The following HS3ST4 variants were observed in gnomAD, a reference collection of about 807,000 sequenced individuals.
HS3ST4 encodes heparan sulfate glucosamine 3-O-sulfotransferase 4.
In HS3ST4, 17 loss-of-function variants were observed where a neutral mutation model predicts 29.2. The ratio of observed to expected loss-of-function variants is 0.58; its 90% confidence interval spans 0.40 to 0.87. The LOEUF is 0.87. HS3ST4 is among the 40% of genes least tolerant of loss of function. The pLI is 0.00. For missense variants in HS3ST4, 627 were observed against 634.5 expected (o/e 0.99, Z 0.13); for synonymous variants, 314 against 285.7 (o/e 1.10, Z -1.00).
At chr16:26,127,212 A>G (rs1459928309) in intron 1 of HS3ST4, among the ~76,000 whole-genome samples, 2 of 151,978 alleles carry the variant, frequency 1.3e-5, no homozygotes, top group African/African-American at 2.4e-5. Flanking sequence ...AATCGACCCT[A>G]CTCTTCTGTC....
chr16:26,052,368 T>C (rs1457230292), intron 1 of HS3ST4, among the ~76,000 whole-genome samples: 1 of 152,194 alleles, frequency 6.6e-6, no homozygotes, highest in African/African-American at 2.4e-5. Flanking sequence ...TATTACTTCT[T>C]AATTATTATT....
In HS3ST4 at chr16:26,137,648, A is replaced by T. The variant is rs1898305662; in HGVS notation, c.*1400A>T. On this transcript the variant is annotated 3_prime_UTR_variant, in exon 2 of 2. Transcript: ENST00000331351. ...ATTAAACTGTCATTTCTCCCGCTAA[A>T]TGAAAACCGTGTTGTTATAAAGCTT... is the stretch of plus-strand genomic sequence containing the variant. 6.6e-6 allele frequency: 1 copy of T among 150,500 alleles called. No individual in the cohort carries two copies. Among genetic ancestry groups the T allele is most frequent in the South Asian group, 2.1e-4 (1 of 4,768 alleles). The allele number at this position is 150,500 out of a possible 1,614,324, so 9.3% of individuals were successfully genotyped here. A position where few individuals can be genotyped will look rare whatever the true frequency, so the allele number is the denominator to read the frequency against.
intron 1 of HS3ST4, among the ~76,000 whole-genome samples, chr16:25,935,289 G>C (rs1406391917): frequency 1.3e-5 from 2 of 152,102 alleles, no homozygotes; most frequent in Non-Finnish European, 2.9e-5. Flanking sequence ...TGGTACGTTG[G>C]TTGCAACTGA....
intron 1 of HS3ST4, among the ~76,000 whole-genome samples, chr16:25,806,294 A>C (rs924687728): frequency 2.0e-5 from 3 of 152,088 alleles, no homozygotes; most frequent in Non-Finnish European, 2.9e-5. Flanking sequence ...TTCTCTGGTC[A>C]ATTCATCTGT....
At chr16:25,948,953 T>C (rs992044123) in intron 1 of HS3ST4, among the ~76,000 whole-genome samples, 14 of 152,184 alleles carry the variant, frequency 9.2e-5, no homozygotes, top group Non-Finnish European at 1.6e-4. Context: ...AACATTGAAC[T>C]AACAATCAGC....
intron 1 of HS3ST4, among the ~76,000 whole-genome samples, chr16:26,130,754 GTCT>G (rs1268712661): frequency 1.3e-5 from 2 of 152,168 alleles, no homozygotes; most frequent in Admixed American, 1.3e-4. Flanking sequence ...GGACAGTCGT[GTCT>G]TCTTCTAACA....
chr16:25,927,558 T>A (rs1968417230), intron 1 of HS3ST4, among the ~76,000 whole-genome samples: 1 of 152,184 alleles, frequency 6.6e-6, no homozygotes, highest in South Asian at 2.1e-4. Context: ...AATGCCTGTG[T>A]GCTGGCAGAA....
At chr16:25,724,349 C>T (rs1020642224) in intron 1 of HS3ST4, among the ~76,000 whole-genome samples, 2 of 142,996 alleles carry the variant, frequency 1.4e-5, no homozygotes. Flanking sequence ...TGTTTCCATA[C>T]TAAAGCTCCC....
chr16:26,038,873 C>T (rs111545000), intron 1 of HS3ST4, among the ~76,000 whole-genome samples: 13,403 of 151,904 alleles, frequency 0.088, 768 homozygotes, highest in East Asian at 0.23. Flanking sequence ...TTAGTAGAGA[C>T]GGGGTTTCAC....
intron 1 of HS3ST4, among the ~76,000 whole-genome samples, chr16:25,799,743 AT>A (rs1165257736): frequency 6.6e-6 from 1 of 152,130 alleles, no homozygotes; most frequent in African/African-American, 2.4e-5. Context: ...TAAGTGAATT[AT>A]TTTTTATAAA....
At chr16:25,878,403 A>C (rs574949042) in intron 1 of HS3ST4, among the ~76,000 whole-genome samples, 13 of 152,148 alleles carry the variant, frequency 8.5e-5, no homozygotes, top group Non-Finnish European at 1.6e-4. Context: ...ACGTTTGTTT[A>C]ATGATGCTCA....
intron 1 of HS3ST4, among the ~76,000 whole-genome samples, chr16:25,740,901 A>T (rs1259217905): frequency 6.6e-6 from 1 of 152,170 alleles, no homozygotes; most frequent in Non-Finnish European, 1.5e-5. Flanking sequence ...GCTAAGATCC[A>T]TGGAAAAAAG....
At chr16:25,916,440 G>C (rs916571114) in intron 1 of HS3ST4, among the ~76,000 whole-genome samples, 2 of 151,912 alleles carry the variant, frequency 1.3e-5, no homozygotes, top group African/African-American at 4.8e-5. Context: ...TCGGCTCACT[G>C]CAACCTCCGC....
intron 1 of HS3ST4, among the ~76,000 whole-genome samples, chr16:25,928,855 C>T (rs767749283): frequency 1.2e-3 from 178 of 152,076 alleles, no homozygotes; most frequent in Non-Finnish European, 2.1e-3. Context: ...GCCCTGAAAG[C>T]GCTTGAGAAG....
chr16:26,059,597 C>G (rs1452796996), intron 1 of HS3ST4, among the ~76,000 whole-genome samples: 3 of 152,116 alleles, frequency 2.0e-5, no homozygotes, highest in Non-Finnish European at 4.4e-5. Flanking sequence ...AGGTTTCCAT[C>G]TCCATCCTCC....
intron 1 of HS3ST4, among the ~76,000 whole-genome samples, chr16:26,056,936 A>G (rs1898415817): frequency 6.6e-6 from 1 of 152,174 alleles, no homozygotes; most frequent in Non-Finnish European, 1.5e-5. Flanking sequence ...AGTTCACATT[A>G]TATTGTCATA....
intron 1 of HS3ST4, among the ~76,000 whole-genome samples, chr16:26,048,162 G>A (rs1898292205): frequency 6.6e-6 from 1 of 152,180 alleles, no homozygotes; most frequent in African/African-American, 2.4e-5. Context: ...TAAGGACACT[G>A]TTCAGATTGA....
rs139955767 is a variant in HS3ST4, at chr16:25,815,843, C to T, written c.734+122692C>T. Among the ~76,000 whole-genome samples, 40 of 152,304 alleles carry T rather than the reference C, an allele frequency of 2.6e-4. No individual in the cohort carries two copies. The East Asian group carries it at 7.1e-3, about 27-fold the overall frequency. On this transcript the variant is annotated intron_variant, in intron 1 of 1. Coordinates refer to ENST00000331351, the MANE Select transcript of HS3ST4 (RefSeq NM_006040.3). ...CCTCAAGCCTCCACTCAGCTCCAGC[C>T]TCACGAAACTTTCCACTGCTCCCTG...
At chr16:25,859,489 G>A (rs4578651) in intron 1 of HS3ST4, among the ~76,000 whole-genome samples, 20,048 of 152,122 alleles carry the variant, frequency 0.13, 1,600 homozygotes, top group East Asian at 0.34. Context: ...CCTGTAGACA[G>A]CTAAGTTATT....
Sources: allele counts gnomAD v4.1 joint callset (sites outside exome capture counted in the v4.1 genomes callset), GRCh38; gene constraint gnomAD v4.1.1; transcripts MANE v1.5; gene names NCBI Gene and HGNC (gene_info 2026-07-23, HGNC 2026-07-21).